PRIM2: variants seen among roughly 807,000 people sequenced by gnomAD.
PRIM2 encodes DNA primase large subunit.
Under a neutral mutation model 67.3 loss-of-function variants are expected in PRIM2, and 39 were observed. The observed-to-expected ratio is 0.58, with a 90% CI of 0.45 to 0.76. The LOEUF (loss-of-function observed/expected upper bound fraction) is 0.76. PRIM2 is among the 30% of genes least tolerant of loss of function. The pLI, the probability that PRIM2 is intolerant of heterozygous loss-of-function variation, is 0.00. For synonymous variants in PRIM2, 143 were observed against 198.7 expected, an observed-to-expected ratio of 0.72 and a Z score of 2.36; for missense variants, 398 against 598.7, an observed-to-expected ratio of 0.66 and a Z score of 3.50.
intron 7 of PRIM2, among the ~76,000 whole-genome samples, chr6:57,464,085 G>T (rs1433486135): frequency 1.3e-5 from 2 of 151,904 alleles, no homozygotes; most frequent in African/African-American, 4.8e-5. Context: ...CACTTTCCGG[G>T]TCTTCCCTCA....
At chr6:57,275,884 G>C in the PRIM2 span, among the ~76,000 whole-genome samples, 1 of 152,082 alleles carries the variant, frequency 6.6e-6, no homozygotes, top group East Asian at 1.9e-4. Flanking sequence ...GTTCATAATA[G>C]CAAAAATGCA....
At chr6:57,338,984 G>C (rs1768373358) in intron 5 of PRIM2, among the ~76,000 whole-genome samples, 1 of 152,208 alleles carries the variant, frequency 6.6e-6, no homozygotes, top group Non-Finnish European at 1.5e-5. Context: ...ATCTTCTTAA[G>C]CTGATAAGCA....
At chr6:57,553,912 C>G (rs1775455301) in intron 10 of PRIM2, among the ~76,000 whole-genome samples, 1 of 152,100 alleles carries the variant, frequency 6.6e-6, no homozygotes, top group Non-Finnish European at 1.5e-5. Flanking sequence ...ATGATTTCCC[C>G]AAATCATCCC....
intron 8 of PRIM2, among the ~76,000 whole-genome samples, chr6:57,514,730 C>G (rs1774445958): frequency 6.6e-6 from 1 of 152,058 alleles, no homozygotes; most frequent in Admixed American, 6.6e-5. Context: ...TTGTTAGAAT[C>G]AGCCCGTTGT....
chr6:57,305,599 A>G, the PRIM2 span, among the ~76,000 whole-genome samples: 1 of 152,242 alleles, frequency 6.6e-6, no homozygotes, highest in Non-Finnish European at 1.5e-5. Flanking sequence ...GAAAAGTGCC[A>G]TCAATTATAG....
chr6:57,445,667 G>C (rs556396432), intron 7 of PRIM2, among the ~76,000 whole-genome samples: 40 of 152,210 alleles, frequency 2.6e-4, no homozygotes, highest in African/African-American at 8.9e-4. Context: ...AGATGAAAAG[G>C]GAAGGTTATA....
the PRIM2 span, among the ~76,000 whole-genome samples, chr6:57,285,082 G>A: frequency 1.3e-5 from 2 of 152,110 alleles, no homozygotes; most frequent in Non-Finnish European, 2.9e-5. Flanking sequence ...GGAAGAAGTC[G>A]AATCCCTGAA....
chr6:57,455,614 C>T (rs1407033794), intron 7 of PRIM2, among the ~76,000 whole-genome samples: 10 of 152,086 alleles, frequency 6.6e-5, no homozygotes, highest in Admixed American at 6.5e-4. Context: ...GCAACCCCTG[C>T]CTTTTTTTGT....
chr6:57,608,854 G>A (rs1776614332), intron 12 of PRIM2, among the ~76,000 whole-genome samples: 1 of 152,160 alleles, frequency 6.6e-6, no homozygotes, highest in African/African-American at 2.4e-5. Flanking sequence ...GTCAGAGAGG[G>A]TGGGCTTGAT....
intron 8 of PRIM2, among the ~76,000 whole-genome samples, chr6:57,527,306 T>A (rs1184116434): frequency 1.3e-5 from 2 of 152,254 alleles, no homozygotes; most frequent in Admixed American, 6.5e-5. Flanking sequence ...TTAGGCTAAA[T>A]AGTTTTTATC....
intron 10 of PRIM2, among the ~76,000 whole-genome samples, chr6:57,590,776 G>A (rs1737478198): frequency 6.6e-6 from 1 of 152,198 alleles, no homozygotes; most frequent in Non-Finnish European, 1.5e-5. Flanking sequence ...CCTGACTAAA[G>A]TTTGGTCAAG....
intron 10 of PRIM2, among the ~76,000 whole-genome samples, chr6:57,582,074 C>T (rs1333664772): frequency 1.3e-5 from 2 of 152,218 alleles, no homozygotes; most frequent in South Asian, 2.1e-4. Flanking sequence ...GTTCTCCTGC[C>T]TCAGCCTCCC....
intron 5 of PRIM2, among the ~76,000 whole-genome samples, chr6:57,331,915 C>T (rs1206579391): frequency 6.6e-6 from 1 of 151,336 alleles, no homozygotes; most frequent in South Asian, 2.1e-4. Flanking sequence ...TTACTACAGT[C>T]TTTAGTATTT....
intron 8 of PRIM2, among the ~76,000 whole-genome samples, chr6:57,529,949 T>A (rs1157670022): frequency 2.6e-5 from 4 of 151,844 alleles, no homozygotes; most frequent in Non-Finnish European, 5.9e-5. Flanking sequence ...CTTGAGGTGG[T>A]GTAGGGTATC....
At chr6:57,402,061 G>A (rs563384157) in intron 7 of PRIM2, among the ~76,000 whole-genome samples, 25 of 152,266 alleles carry the variant, frequency 1.6e-4, no homozygotes, top group South Asian at 1.0e-3. Context: ...CAGGCCTGGC[G>A]GACCTGCCCA....
chr6:57,564,755 C>A (rs1775704695), intron 10 of PRIM2, among the ~76,000 whole-genome samples: 1 of 152,018 alleles, frequency 6.6e-6, no homozygotes, highest in Non-Finnish European at 1.5e-5. Flanking sequence ...TGTTTTGAGG[C>A]TAAATTTTCT....
chr6:57,261,902 G>T, the PRIM2 span, among the ~76,000 whole-genome samples: 1 of 152,120 alleles, frequency 6.6e-6, no homozygotes, highest in Non-Finnish European at 1.5e-5. Flanking sequence ...GCTGGTCTCT[G>T]GGTGTCTCAA....
the PRIM2 span, among the ~76,000 whole-genome samples, chr6:57,294,564 T>G: frequency 1.3e-5 from 2 of 151,896 alleles, no homozygotes; most frequent in South Asian, 4.1e-4. Context: ...TGTATATATT[T>G]ATACATAAAT....
rs1445279830 is a variant in PRIM2 at position 57,601,236 on chromosome 6, G to A, written c.1147+17G>A. 3.2e-6 allele frequency: 5 copies of A among 1,578,700 alleles called. No homozygotes were observed. Among genetic ancestry groups the A allele is most frequent in the African/African-American group, 1.4e-5 (1 of 73,070 alleles). On this transcript the variant is annotated intron_variant, in intron 11 of 13. Coordinates refer to ENST00000615550, the MANE Select transcript of PRIM2 (RefSeq NM_000947.5). ...ATTATCATGGTAAGTGCCTCCACTG[G>A]ATATGTTGGCCAAGTACAGAAATCC...
Sources: gnomAD v4.1 joint callset for allele counts (sites outside exome capture counted in the v4.1 genomes callset) on GRCh38, gnomAD v4.1.1 for gene constraint, MANE v1.5 for transcripts, NCBI Gene and HGNC (gene_info 2026-07-23, HGNC 2026-07-21) for gene names.